Variants in SEMA5A observed in about 807,000 individuals in gnomAD.
SEMA5A encodes semaphorin 5A.
Under a neutral mutation model 135.5 loss-of-function variants are expected in SEMA5A, and 55 were observed. The ratio of observed to expected loss-of-function variants is 0.41; its 90% CI spans 0.33 to 0.51. The LOEUF (loss-of-function observed/expected upper bound fraction) is 0.51, where lower values mean the gene tolerates loss of function less well. Ranked by LOEUF, SEMA5A falls within the 20% of genes least tolerant of loss-of-function variation. The pLI is 0.37. For missense variants in SEMA5A, 1,290 were observed against 1,419.9 expected (o/e 0.91, Z 1.47); for synonymous variants, 580 against 546.5 (o/e 1.06, Z -0.85).
At chr5:9,372,779 A>C (rs956998144) in intron 3 of SEMA5A, among the ~76,000 whole-genome samples, 3 of 152,026 alleles carry the variant, frequency 2.0e-5, no homozygotes, top group African/African-American at 7.2e-5. Context: ...GCACGGAGCC[A>C]TGTCACACAC....
chr5:9,360,237 G>A (rs1315453981), intron 3 of SEMA5A, among the ~76,000 whole-genome samples: 2 of 152,186 alleles, frequency 1.3e-5, no homozygotes, highest in Non-Finnish European at 2.9e-5. Flanking sequence ...CAGAGATAAT[G>A]TGTACAGTGT....
At chr5:9,385,106 G>A (rs999419009) in intron 2 of SEMA5A, among the ~76,000 whole-genome samples, 1 of 152,102 alleles carries the variant, frequency 6.6e-6, no homozygotes, top group African/African-American at 2.4e-5. Context: ...AGCATTTTTG[G>A]TGCGTCTACT....
intron 5 of SEMA5A, among the ~76,000 whole-genome samples, chr5:9,299,897 G>C (rs1751526818): frequency 1.3e-5 from 2 of 152,164 alleles, no homozygotes; most frequent in South Asian, 2.1e-4. Flanking sequence ...AGAGTTTTAA[G>C]GCCCCTCAGT....
intron 11 of SEMA5A, among the ~76,000 whole-genome samples, chr5:9,173,841 C>CA (rs1362932823): frequency 2.6e-5 from 4 of 152,092 alleles, no homozygotes; most frequent in Non-Finnish European, 5.9e-5. Flanking sequence ...CGTGTAGGAA[C>CA]AGCATTGCCC....
At chr5:9,405,829 T>C (rs565060043) in intron 2 of SEMA5A, among the ~76,000 whole-genome samples, 143 of 152,310 alleles carry the variant, frequency 9.4e-4, no homozygotes, top group Admixed American at 2.9e-3. Context: ...AGAAGGCATA[T>C]GCAGGTAAAC....
chr5:9,091,211 C>T (rs1435232036), intron 16 of SEMA5A, among the ~76,000 whole-genome samples: 1 of 152,214 alleles, frequency 6.6e-6, no homozygotes, highest in Admixed American at 6.5e-5. Flanking sequence ...CTTAGAAAAA[C>T]TTACAATGTC....
intron 4 of SEMA5A, among the ~76,000 whole-genome samples, chr5:9,329,819 A>G (rs943888641): frequency 6.6e-6 from 1 of 152,146 alleles, no homozygotes; most frequent in Non-Finnish European, 1.5e-5. Context: ...AAATCCATGG[A>G]TGCTCCAGTC....
chr5:9,532,836 G>A (rs1297170859), intron 1 of SEMA5A, among the ~76,000 whole-genome samples: 1 of 152,066 alleles, frequency 6.6e-6, no homozygotes, highest in Non-Finnish European at 1.5e-5. Flanking sequence ...AAGAGTGAGG[G>A]GAAAAATCTC....
intron 2 of SEMA5A, 49 bp from the exon 3 acceptor site, chr5:9,380,072 G>A (rs1755531187): frequency 1.6e-6 from 2 of 1,278,364 alleles, no homozygotes; most frequent in East Asian, 2.4e-5. Context: ...TTCGTTTTCT[G>A]GTGGGTGGTC....
chr5:9,504,328 T>G (rs1055278767), intron 1 of SEMA5A, among the ~76,000 whole-genome samples: 1 of 152,098 alleles, frequency 6.6e-6, no homozygotes, highest in Non-Finnish European at 1.5e-5. Flanking sequence ...GAAAAAAAGT[T>G]TATTTTTACA....
chr5:9,242,276 C>A (rs962779515), intron 5 of SEMA5A, among the ~76,000 whole-genome samples: 3 of 152,158 alleles, frequency 2.0e-5, no homozygotes, highest in Non-Finnish European at 2.9e-5. Flanking sequence ...AATTATAATA[C>A]CTTCATGGTC....
chr5:9,366,259 C>A (rs1754909627), intron 3 of SEMA5A, among the ~76,000 whole-genome samples: 2 of 152,072 alleles, frequency 1.3e-5, no homozygotes, highest in Admixed American at 1.3e-4. Context: ...GAAATGTATG[C>A]AAATTGGAGG....
chr5:9,430,374 GT>G (rs1457467113), intron 2 of SEMA5A, among the ~76,000 whole-genome samples: 1 of 152,182 alleles, frequency 6.6e-6, no homozygotes, highest in African/African-American at 2.4e-5. Context: ...TTAGGGATAG[GT>G]TTTGGCTGAA....
intron 1 of SEMA5A, among the ~76,000 whole-genome samples, chr5:9,542,126 A>G (rs937978054): frequency 1.3e-5 from 2 of 152,190 alleles, no homozygotes; most frequent in Non-Finnish European, 2.9e-5. Context: ...ATTCTTAAAA[A>G]ATTCATCTGA....
At chr5:9,136,728 A>G (rs1741779789) in intron 12 of SEMA5A, 107 bp from the exon 13 acceptor site, 1 of 866,274 alleles carries the variant, frequency 1.2e-6, no homozygotes, top group Non-Finnish European at 1.9e-6. Flanking sequence ...GATTTCTTAC[A>G]TATGAAGCCC....
At chr5:9,185,955 A>G (rs1358451894) in intron 11 of SEMA5A, among the ~76,000 whole-genome samples, 1 of 152,188 alleles carries the variant, frequency 6.6e-6, no homozygotes, top group Non-Finnish European at 1.5e-5. Context: ...GGGAAGAGCC[A>G]GTGGAGAAGT....
intron 3 of SEMA5A, among the ~76,000 whole-genome samples, chr5:9,363,811 C>G (rs1038293439): frequency 6.6e-6 from 1 of 152,182 alleles, no homozygotes; most frequent in Non-Finnish European, 1.5e-5. Context: ...TGCCAAGGGT[C>G]AGTTGCTCAG....
At chr5:9,155,253 AT>A (rs1396412866) in intron 11 of SEMA5A, among the ~76,000 whole-genome samples, 4 of 151,994 alleles carry the variant, frequency 2.6e-5, no homozygotes, top group Non-Finnish European at 4.4e-5. Context: ...GCTCTTTGGG[AT>A]GATTTTCTTG....
chr5:9,432,065 T>C (rs1218431517), intron 2 of SEMA5A, among the ~76,000 whole-genome samples: 1 of 152,136 alleles, frequency 6.6e-6, no homozygotes, highest in Non-Finnish European at 1.5e-5. Context: ...CCAAGTTCCA[T>C]AATGGGGAAT....
Sources: allele counts gnomAD v4.1 joint callset (sites outside exome capture counted in the v4.1 genomes callset), GRCh38; gene constraint gnomAD v4.1.1; transcripts MANE v1.5; gene names NCBI Gene and HGNC (gene_info 2026-07-23, HGNC 2026-07-21).